TNNT2: variants seen among roughly 807,000 people sequenced by gnomAD.
TNNT2 encodes the protein troponin T, cardiac muscle.
A neutral mutation model predicts 62.4 loss-of-function variants in TNNT2; 34 were observed. That is an observed-to-expected ratio of 0.54 (90% CI 0.41 to 0.72). TNNT2 has a LOEUF of 0.72. Among genes scored for constraint, TNNT2 ranks in the 30% least tolerant of loss-of-function variants. TNNT2 has a pLI of 0.00. For missense variants in TNNT2, 275 were observed against 381.9 expected (o/e 0.72, Z 2.33); for synonymous variants, 123 against 127.2 (o/e 0.97, Z 0.22).
rs1658720414 is a variant in TNNT2 at position 201,361,938 on chromosome 1, C to A, written c.694G>T (p.Asp232Tyr). 4 of 1,614,088 alleles carry A rather than the reference C, an allele frequency of 2.5e-6. No homozygotes were observed. In the African/African-American group the frequency reaches 5.3e-5, roughly 22 times the overall value. ...LAERRKVLAI[D>Y]HLNEDQLREK... The stretch of plus-strand genomic sequence containing the variant: ...CTCAGCTGATCTTCATTCAGGTGGT[C>A]AATGGCCAGCACCTTCCTCCTCTCA... The change falls in exon 14 of 17, where the codon GAC becomes TAC. Residue 232 changes from aspartate (D) to tyrosine (Y), a missense_variant. By Grantham distance (160) the Asp-to-Tyr change is radical. Coordinates refer to ENST00000656932, the MANE Select transcript of TNNT2 (RefSeq NM_001276345.2).
intron 8 of TNNT2, 109 bp from the exon 9 acceptor site, chr1:201,365,779 C>T: frequency 1.3e-6 from 2 of 1,554,210 alleles, no homozygotes; most frequent in Non-Finnish European, 8.7e-7. Flanking sequence ...CCAGCACTGC[C>T]CCGACCAACC....
At chr1:201,376,873 C>T (rs1176415070) in intron 1 of TNNT2, among the ~76,000 whole-genome samples, 4 of 152,190 alleles carry the variant, frequency 2.6e-5, no homozygotes, top group Middle Eastern at 3.2e-3. Context: ...CCTTTAATGC[C>T]AACCAGCTGG....
chr1:201,362,172 C>G, intron 13 of TNNT2, 150 bp from the exon 14 acceptor site: 1 of 1,169,298 alleles, frequency 8.6e-7, no homozygotes, highest in South Asian at 1.3e-5. Flanking sequence ...CTACCAACTA[C>G]ATGTATTCCC....
chr1:201,372,154 C>T lies in TNNT2; in HGVS notation c.43G>A (p.Glu15Lys), dbSNP rs1660719382. ...ACACGTTTACGCTTACCTTCCTGCTCCCTGAGAGCAACAGGAAACACTGTC... is the reference window on the plus strand; with the variant it reads ...ACACGTTTACGCTTACCTTCCTGCTTCCTGAGAGCAACAGGAAACACTGTC... Reference protein sequence around the residue: ...EEVVEEYEEEEQEEAAVEEEE... With the variant: ...EEVVEEYEEEKQEEAAVEEEE... Residue 15 changes from glutamate to lysine, a missense_variant and splice_region_variant, in exon 3 of 17, where the codon GAG (glutamate) becomes AAG (lysine). By Grantham distance (56) the Glu-to-Lys change is moderately conservative. Coordinates refer to ENST00000656932, the MANE Select transcript of TNNT2 (RefSeq NM_001276345.2). The T allele has an allele frequency of 6.2e-7, 1 of 1,614,056 alleles. No individual in the cohort carries two copies. The highest frequency in any genetic ancestry group is 1.3e-5 in the African/African-American group (1 of 74,904).
rs182136068 is a variant in TNNT2 at position 201,363,644 on chromosome 1, G to A, written c.490-238C>T. 1.4e-4 allele frequency: 73 copies of A among 525,328 alleles called. No homozygotes were observed. In the Middle Eastern group the frequency reaches 1.6e-3, roughly 11 times the overall value. 32.5% of individuals were successfully genotyped at this position (525,328 alleles called of 1,614,324 possible). On this transcript the variant is annotated intron_variant, in intron 11 of 16. Coordinates refer to ENST00000656932, the MANE Select transcript of TNNT2 (RefSeq NM_001276345.2). Reference sequence around the variant, plus strand: ...ATGTGAGGTCTCGTCATCCCCTTAAGCTGGGAGTGCCCCTGGAAGACCTGT... The same window carrying A: ...ATGTGAGGTCTCGTCATCCCCTTAAACTGGGAGTGCCCCTGGAAGACCTGT...
At chr1:201,376,219 G>A (rs1219157452) in intron 1 of TNNT2, among the ~76,000 whole-genome samples, 1 of 152,174 alleles carries the variant, frequency 6.6e-6, no homozygotes, top group Non-Finnish European at 1.5e-5. Context: ...CTTTCTTGGG[G>A]AGTAAAGCAA....
chr1:201,371,368 G>A (rs4915240), intron 4 of TNNT2, among the ~76,000 whole-genome samples: 81,965 of 152,068 alleles, frequency 0.54, 23,620 homozygotes, highest in Admixed American at 0.65. Context: ...GGAGCAGCAA[G>A]AGGGGCCTCT....
intron 11 of TNNT2, 84 bp from the exon 12 acceptor site, chr1:201,363,490 G>T: frequency 7.6e-7 from 1 of 1,312,864 alleles, no homozygotes; most frequent in South Asian, 1.2e-5. Context: ...TGGTCTTTAT[G>T]GGTGAGTTCA....
rs769785477 is a variant in TNNT2, at chr1:201,366,951, C to A, written c.200-80G>T. The A allele has an allele frequency of 4.3e-6, 7 of 1,611,384 alleles. No homozygotes were observed. In the South Asian group the frequency reaches 6.6e-5, roughly 15 times the overall value. ...AACTCCGCCCTCGATGAGCTAGATC[C>A]CTGTGGATTTCCATTTCCCCATCTG... On this transcript the variant is annotated intron_variant, in intron 7 of 16. Transcript: ENST00000656932.
At position 201,370,085 on chromosome 1, in the gene TNNT2, G is replaced by T. The variant is rs564300568; in HGVS notation, c.68-240C>A. Among the ~76,000 whole-genome samples the T allele has an allele frequency of 3.9e-5, 6 of 152,338 alleles. No individual in the cohort carries two copies. In the East Asian group the frequency reaches 7.7e-4, roughly 20 times the overall value. On this transcript the variant is annotated intron_variant, in intron 4 of 16. Coordinates refer to ENST00000656932, the MANE Select transcript of TNNT2 (RefSeq NM_001276345.2). The stretch of plus-strand genomic sequence containing the variant: ...TGGGAATCATTCTACTCACTTCTCA[G>T]CCGTGGTGAGGACTGAATGACCTAG...
chr1:201,365,103 G>A, intron 10 of TNNT2, 88 bp downstream of exon 10: 3 of 1,149,132 alleles, frequency 2.6e-6, no homozygotes, highest in Non-Finnish European at 4.0e-6. Context: ...GCCGAGGAAG[G>A]CTGTCTGGAG....
rs984281617 is a variant in TNNT2, at chr1:201,363,062, T to C, written c.600+234A>G. ...TGGAGCCAGGCATGGGGGGCACCAT[T>C]GGTGCCCCAGGCTCTGCCTGTAGCC... On this transcript the variant is annotated intron_variant, in intron 12 of 16. Coordinates refer to ENST00000656932, the MANE Select transcript of TNNT2 (RefSeq NM_001276345.2). 1.1e-5 allele frequency: 11 copies of C among 972,282 alleles called. No homozygotes were observed. In the African/African-American group the frequency reaches 1.9e-4, roughly 17 times the overall value. The allele number at this position is 972,282 out of a possible 1,614,324, so 60.2% of individuals were successfully genotyped here. A position where few individuals can be genotyped will look rare whatever the true frequency, so the allele number is the denominator to read the frequency against.
At chr1:201,370,185 G>A (rs1026133540) in intron 4 of TNNT2, among the ~76,000 whole-genome samples, 1 of 152,206 alleles carries the variant, frequency 6.6e-6, no homozygotes, top group Admixed American at 6.5e-5. Context: ...GCCTCTAGAC[G>A]ACAGAGCCTT....
Position 201,368,366 on chromosome 1 carries a change from C to G in TNNT2, c.98-139G>C, listed in dbSNP as rs746430628. The stretch of plus-strand genomic sequence containing the variant: ...TCCAGATGAATTTGGGGGCAACCAA[C>G]GTGCTGGGGGGCTGCCATTCTTGGT... On this transcript the variant is annotated intron_variant, in intron 5 of 16. Coordinates refer to ENST00000656932, the MANE Select transcript of TNNT2 (RefSeq NM_001276345.2). 5 of 838,062 alleles carry G rather than the reference C, an allele frequency of 6.0e-6. No individual in the cohort carries two copies. The Middle Eastern group carries it at 6.5e-4, about 109-fold the overall frequency. 51.9% of individuals were successfully genotyped at this position (838,062 alleles called of 1,614,324 possible).
In TNNT2 at chr1:201,362,930, G is replaced by T. The variant is rs147248219; in HGVS notation, c.600+366C>A. Among the ~76,000 whole-genome samples the T allele has an allele frequency of 3.5e-4, 54 of 152,162 alleles. 1 individual carries two copies. The highest frequency in any genetic ancestry group is 9.2e-4 in the African/African-American group (38 of 41,438). ...AACCGAGGCTCAGAGGTTGCAAAAG[G>T]TCACACAACTGTATGTGGCAGAGCT... On this transcript the variant is annotated intron_variant, in intron 12 of 16. Transcript: ENST00000656932.
intron 11 of TNNT2, chr1:201,363,889 CTT>C (rs5780083): frequency 0.033 from 5,703 of 170,620 alleles, 1 homozygote; most frequent in South Asian, 0.083. Context: ...CTTTTTTTTC[CTT>C]TTTTTTTTTT....
chr1:201,373,409 A>G, intron 1 of TNNT2, 141 bp from the exon 2 acceptor site: 1 of 764,798 alleles, frequency 1.3e-6, no homozygotes, highest in Non-Finnish European at 2.3e-6. Context: ...GACCTGCAAC[A>G]AAAAGCCTGT....
At position 201,361,265 on chromosome 1, in the gene TNNT2, GCATGGCGGCC is replaced by G; in HGVS notation, c.810+4_810+13del. On this transcript the variant is annotated splice_donor_5th_base_variant and intron_variant, in intron 15 of 16. Coordinates refer to ENST00000656932, the MANE Select transcript of TNNT2 (RefSeq NM_001276345.2). ...GAGATGGAGATGCTGGGCGGGGACA[GCATGGCGGCC>G]CACCTCATATTTCTGCTGCTTGAAC... 6.2e-7 allele frequency: 1 copy of G among 1,613,354 alleles called. No individual in the cohort carries two copies. The highest frequency in any genetic ancestry group is 8.5e-7 in the Non-Finnish European group (1 of 1,179,298).
At chr1:201,376,751 A>T (rs1008369385) in intron 1 of TNNT2, among the ~76,000 whole-genome samples, 22 of 152,236 alleles carry the variant, frequency 1.4e-4, no homozygotes, top group African/African-American at 5.3e-4. Flanking sequence ...AGAAACTAGA[A>T]ACCAAGGGAA....
Sources: allele counts gnomAD v4.1 joint callset (sites outside exome capture counted in the v4.1 genomes callset), GRCh38; gene constraint gnomAD v4.1.1; transcripts MANE v1.5; gene names NCBI Gene and HGNC (gene_info 2026-07-23, HGNC 2026-07-21).